The following KCNAB1 variants were observed in gnomAD, a reference collection of about 807,000 sequenced individuals.
KCNAB1 encodes voltage-gated potassium channel subunit beta-1.
Under a neutral mutation model 64.6 loss-of-function variants are expected in KCNAB1, and 35 were observed. The observed-to-expected ratio is 0.54, with a 90% CI of 0.41 to 0.72. The LOEUF (loss-of-function observed/expected upper bound fraction) is 0.72. Among genes scored for constraint, KCNAB1 ranks in the 30% least tolerant of loss-of-function variants. KCNAB1 has a pLI of 0.00. For missense variants in KCNAB1, 401 were observed against 512.9 expected, an observed-to-expected ratio of 0.78 and a Z score of 2.11; for synonymous variants, 177 against 183.8, an observed-to-expected ratio of 0.96 and a Z score of 0.30.
intron 8 of KCNAB1, among the ~76,000 whole-genome samples, chr3:156,502,587 A>G (rs573575371): frequency 2.1e-4 from 32 of 151,642 alleles, no homozygotes; most frequent in Middle Eastern, 3.4e-3. Context: ...TTCAAGATGA[A>G]TCAGAAACTT....
chr3:156,250,818 C>T (rs757119979), intron 1 of KCNAB1, among the ~76,000 whole-genome samples: 6 of 152,306 alleles, frequency 3.9e-5, no homozygotes, highest in Non-Finnish European at 1.5e-5. Context: ...TCTCTCAATG[C>T]CCAGGCTATC....
Position 156,439,036 on chromosome 3 carries a change from A to C in KCNAB1, c.320-13863A>C, listed in dbSNP as rs533159704. 8.6e-3 allele frequency among the ~76,000 whole-genome samples: 1,310 copies of C among 152,130 alleles called. 22 individuals carry two copies. Among genetic ancestry groups the C allele is most frequent in the African/African-American group, 0.024 (1,013 of 41,490 alleles). Reference sequence around the variant, plus strand: ...CTCAAAAAAAACAAAAAACAAAAAAAAAAAACCAGGATAGACTATGTCATC... The same window carrying C: ...CTCAAAAAAAACAAAAAACAAAAAACAAAAACCAGGATAGACTATGTCATC... On this transcript the variant is annotated intron_variant, in intron 2 of 13. Transcript: ENST00000490337.
chr3:156,334,869 G>A (rs1723581601), intron 1 of KCNAB1, among the ~76,000 whole-genome samples: 1 of 152,100 alleles, frequency 6.6e-6, no homozygotes, highest in South Asian at 2.1e-4. Context: ...GAACCACTAA[G>A]CTTGAACCTG....
intron 1 of KCNAB1, among the ~76,000 whole-genome samples, chr3:156,142,598 C>G (rs531375760): frequency 1.3e-5 from 2 of 152,234 alleles, no homozygotes; most frequent in East Asian, 3.9e-4. Context: ...TTGTGTGAAC[C>G]CTTTGCCTTT....
At chr3:156,316,654 AGAGGGGAG>A (rs1265684579) in intron 1 of KCNAB1, among the ~76,000 whole-genome samples, 4 of 152,242 alleles carry the variant, frequency 2.6e-5, no homozygotes, top group Non-Finnish European at 5.9e-5. Context: ...CCAACCCTGA[AGAGGGGAG>A]CAGCTGCCAG....
At chr3:156,217,926 T>C (rs1361654023) in intron 1 of KCNAB1, 1 of 152,202 alleles carries the variant, frequency 6.6e-6, no homozygotes, top group African/African-American at 2.4e-5. Flanking sequence ...CTGAGTGATA[T>C]GTGGAGACTC....
intron 1 of KCNAB1, among the ~76,000 whole-genome samples, chr3:156,283,785 C>T (rs1258495878): frequency 2.0e-5 from 3 of 152,158 alleles, no homozygotes; most frequent in Non-Finnish European, 2.9e-5. Flanking sequence ...GCATTCTTCA[C>T]GTAGTTCTGG....
chr3:156,122,296 C>T (rs192795113), intron 1 of KCNAB1, among the ~76,000 whole-genome samples: 296 of 152,306 alleles, frequency 1.9e-3, no homozygotes, highest in African/African-American at 6.8e-3. Context: ...ATTAAAGATC[C>T]TCTAGGAAAA....
intron 1 of KCNAB1, among the ~76,000 whole-genome samples, chr3:156,342,340 G>A (rs1024106438): frequency 6.6e-6 from 1 of 152,160 alleles, no homozygotes; most frequent in South Asian, 2.1e-4. Flanking sequence ...ATCTTAATCC[G>A]AGGGAGTGCA....
intron 1 of KCNAB1, among the ~76,000 whole-genome samples, chr3:156,290,116 A>G (rs570000561): frequency 1.3e-5 from 2 of 152,140 alleles, no homozygotes; most frequent in East Asian, 3.9e-4. Flanking sequence ...AAAATGAACA[A>G]CTTTCTCCAG....
chr3:156,147,963 A>ACG (rs1198509783), intron 1 of KCNAB1, among the ~76,000 whole-genome samples: 1 of 150,774 alleles, frequency 6.6e-6, no homozygotes, highest in African/African-American at 2.4e-5. Context: ...ACACACACGC[A>ACG]CGCACACGCA....
At chr3:156,450,170 C>T (rs1711889125) in intron 2 of KCNAB1, among the ~76,000 whole-genome samples, 1 of 152,140 alleles carries the variant, frequency 6.6e-6, no homozygotes, top group Non-Finnish European at 1.5e-5. Flanking sequence ...GGATAGTGTA[C>T]CTACAAAATA....
chr3:156,511,960 A>G (rs1189403211), intron 8 of KCNAB1, among the ~76,000 whole-genome samples: 1 of 152,088 alleles, frequency 6.6e-6, no homozygotes, highest in Non-Finnish European at 1.5e-5. Flanking sequence ...ATACTACATC[A>G]TCTGCCTCGA....
At chr3:156,493,613 T>C (rs559997519) in intron 8 of KCNAB1, among the ~76,000 whole-genome samples, 4 of 152,112 alleles carry the variant, frequency 2.6e-5, no homozygotes, top group African/African-American at 7.2e-5. Flanking sequence ...CTGAGTCTTA[T>C]TCATGTTTCT....
intron 1 of KCNAB1, among the ~76,000 whole-genome samples, chr3:156,158,215 T>A (rs1369866935): frequency 7.5e-5 from 11 of 146,374 alleles, no homozygotes; most frequent in East Asian, 2.0e-4. Context: ...AATAAATAAA[T>A]AAATAAATGG....
chr3:156,231,579 G>A (rs929286389), intron 1 of KCNAB1, among the ~76,000 whole-genome samples: 10 of 147,162 alleles, frequency 6.8e-5, no homozygotes, highest in African/African-American at 2.5e-4. Flanking sequence ...AGCTCCAGGA[G>A]ATAATCAACT....
At chr3:156,385,198 G>A (rs1349598404) in intron 1 of KCNAB1, among the ~76,000 whole-genome samples, 1 of 152,182 alleles carries the variant, frequency 6.6e-6, no homozygotes, top group African/African-American at 2.4e-5. Context: ...CCGTGTTTGA[G>A]AAACATGTGC....
At chr3:156,328,142 C>T (rs140035409) in intron 1 of KCNAB1, among the ~76,000 whole-genome samples, 1 of 152,124 alleles carries the variant, frequency 6.6e-6, no homozygotes, top group East Asian at 1.9e-4. Flanking sequence ...CACAAAAATG[C>T]TTGGCCTATC....
intron 5 of KCNAB1, among the ~76,000 whole-genome samples, chr3:156,463,006 G>C (rs561531500): frequency 7.5e-4 from 114 of 152,286 alleles, no homozygotes; most frequent in Non-Finnish European, 9.0e-4. Context: ...CAGTAAAATG[G>C]TAGAAACTTG....
Sources: gnomAD v4.1 joint callset for allele counts (sites outside exome capture counted in the v4.1 genomes callset) on GRCh38, gnomAD v4.1.1 for gene constraint, MANE v1.5 for transcripts, NCBI Gene and HGNC (gene_info 2026-07-23, HGNC 2026-07-21) for gene names.